The following KCND2 variants were observed in gnomAD, a reference collection of about 807,000 sequenced individuals.
KCND2 encodes A-type voltage-gated potassium channel KCND2.
Under a neutral mutation model 54.4 loss-of-function variants are expected in KCND2, and 16 were observed. That is an observed-to-expected ratio of 0.29 (90% confidence interval 0.20 to 0.45). The LOEUF is 0.45. Among genes scored for constraint, KCND2 ranks in the 20% least tolerant of loss-of-function variants. The pLI, the probability that KCND2 is intolerant of heterozygous loss-of-function variation, is 1.00. For synonymous variants in KCND2, 317 were observed against 310.7 expected, an observed-to-expected ratio of 1.02 and a Z score of -0.21; for missense variants, 486 against 824.2, an observed-to-expected ratio of 0.59 and a Z score of 5.02.
At chr7:120,485,907 T>G (rs2116289716) in intron 1 of KCND2, among the ~76,000 whole-genome samples, 1 of 152,326 alleles carries the variant, frequency 6.6e-6, no homozygotes, top group African/African-American at 2.4e-5. Flanking sequence ...AAGTGTTTGA[T>G]AAATATTTTA....
intron 1 of KCND2, among the ~76,000 whole-genome samples, chr7:120,626,794 C>T (rs1388057900): frequency 3.3e-5 from 5 of 152,138 alleles, no homozygotes; most frequent in Admixed American, 2.0e-4. Context: ...AGTTTCTTCC[C>T]TATACCATTC....
At chr7:120,710,816 G>A (rs1792528243) in intron 1 of KCND2, among the ~76,000 whole-genome samples, 2 of 152,082 alleles carry the variant, frequency 1.3e-5, no homozygotes, top group South Asian at 4.1e-4. Flanking sequence ...CCCAGGGCTG[G>A]CAAAGCATGC....
At chr7:120,290,003 T>A (rs73429973) in intron 1 of KCND2, among the ~76,000 whole-genome samples, 3,255 of 152,180 alleles carry the variant, frequency 0.021, 132 homozygotes, top group African/African-American at 0.074. Flanking sequence ...TATTTCATAA[T>A]TTTATAATGC....
At chr7:120,292,792 G>T (rs1179014321) in intron 1 of KCND2, among the ~76,000 whole-genome samples, 1 of 151,866 alleles carries the variant, frequency 6.6e-6, no homozygotes, top group Non-Finnish European at 1.5e-5. Flanking sequence ...GATACTTGGA[G>T]AAAACTATTA....
chr7:120,679,904 T>C (rs1035340780), intron 1 of KCND2, among the ~76,000 whole-genome samples: 2 of 152,094 alleles, frequency 1.3e-5, no homozygotes, highest in South Asian at 2.1e-4. Context: ...AATACCTGCA[T>C]AGATTGATGG....
chr7:120,697,811 A>T (rs2116016677), intron 1 of KCND2, among the ~76,000 whole-genome samples: 1 of 152,334 alleles, frequency 6.6e-6, no homozygotes, highest in Middle Eastern at 3.4e-3. Context: ...AAATATTCTT[A>T]ACATTATGTA....
At chr7:120,564,868 T>A (rs1792277484) in intron 1 of KCND2, among the ~76,000 whole-genome samples, 1 of 152,216 alleles carries the variant, frequency 6.6e-6, no homozygotes, top group African/African-American at 2.4e-5. Context: ...TTCTGGTATA[T>A]GTTTCAATCA....
At chr7:120,398,024 T>C (rs1023010112) in intron 1 of KCND2, among the ~76,000 whole-genome samples, 10 of 138,580 alleles carry the variant, frequency 7.2e-5, no homozygotes, top group African/African-American at 2.8e-4. Context: ...TATATATATA[T>C]ATATATATAT....
At chr7:120,717,001 TAATA>T (rs1792611321) in intron 1 of KCND2, among the ~76,000 whole-genome samples, 1 of 152,118 alleles carries the variant, frequency 6.6e-6, no homozygotes, top group Non-Finnish European at 1.5e-5. Context: ...TGACAGTAAT[TAATA>T]ATGAAATAGA....
At chr7:120,486,701 TC>T (rs1294365372) in intron 1 of KCND2, among the ~76,000 whole-genome samples, 7 of 151,892 alleles carry the variant, frequency 4.6e-5, no homozygotes, top group South Asian at 2.1e-4. Context: ...TTTTTTTTTT[TC>T]CTAGTTTGAA....
At chr7:120,307,676 A>G (rs756063562) in intron 1 of KCND2, among the ~76,000 whole-genome samples, 6 of 152,094 alleles carry the variant, frequency 3.9e-5, no homozygotes, top group Admixed American at 1.3e-4. Context: ...CTCATGTTGC[A>G]TATTCTATTC....
intron 1 of KCND2, among the ~76,000 whole-genome samples, chr7:120,487,165 G>T (rs927976134): frequency 1.3e-5 from 2 of 152,100 alleles, no homozygotes; most frequent in Non-Finnish European, 2.9e-5. Flanking sequence ...ATTTCAACAG[G>T]TTTGGTTTTC....
intron 1 of KCND2, among the ~76,000 whole-genome samples, chr7:120,278,730 T>C (rs887784296): frequency 3.3e-5 from 5 of 151,990 alleles, no homozygotes; most frequent in Non-Finnish European, 7.4e-5. Flanking sequence ...ATAACTTGAC[T>C]ATGCTTACTG....
At chr7:120,285,571 A>G (rs1799327561) in intron 1 of KCND2, among the ~76,000 whole-genome samples, 1 of 152,030 alleles carries the variant, frequency 6.6e-6, no homozygotes, top group Non-Finnish European at 1.5e-5. Flanking sequence ...CTTCCATTTC[A>G]GTAAATTCTT....
At chr7:120,278,057 A>C (rs7788354) in intron 1 of KCND2, among the ~76,000 whole-genome samples, 4,325 of 152,106 alleles carry the variant, frequency 0.028, 206 homozygotes, top group African/African-American at 0.098. Context: ...CATACTTTTA[A>C]GATGTGGAAA....
chr7:120,607,688 T>G (rs973260372), intron 1 of KCND2, among the ~76,000 whole-genome samples: 2 of 151,930 alleles, frequency 1.3e-5, no homozygotes, highest in Non-Finnish European at 2.9e-5. Flanking sequence ...ACATCAGAAA[T>G]GGGATATCGA....
intron 1 of KCND2, among the ~76,000 whole-genome samples, chr7:120,631,793 A>AT (rs1250592305): frequency 6.6e-6 from 1 of 152,176 alleles, no homozygotes; most frequent in African/African-American, 2.4e-5. Flanking sequence ...ATTGTTTTCA[A>AT]TTTAACGTAG....
At chr7:120,730,572 G>T (rs1317414036) in intron 1 of KCND2, among the ~76,000 whole-genome samples, 1 of 152,046 alleles carries the variant, frequency 6.6e-6, no homozygotes, top group Non-Finnish European at 1.5e-5. Flanking sequence ...CAGCATTCTG[G>T]TTCTTAGGTT....
chr7:120,449,944 A>C (rs2116214808), intron 1 of KCND2, among the ~76,000 whole-genome samples: 1 of 152,392 alleles, frequency 6.6e-6, no homozygotes, highest in East Asian at 1.9e-4. Flanking sequence ...CAAATTGATA[A>C]GAATGCCAAA....
Sources: gnomAD v4.1 joint callset for allele counts (sites outside exome capture counted in the v4.1 genomes callset) on GRCh38, gnomAD v4.1.1 for gene constraint, MANE v1.5 for transcripts, NCBI Gene and HGNC (gene_info 2026-07-23, HGNC 2026-07-21) for gene names.